Variants in FAM120A observed in about 807,000 individuals in gnomAD.
FAM120A encodes the protein family with sequence similarity 120 member A.
A neutral mutation model predicts 109.7 loss-of-function variants in FAM120A; 15 were observed. That is an observed-to-expected ratio of 0.14 (90% CI 0.09 to 0.21). The LOEUF is 0.21. FAM120A is among the 10% of genes least tolerant of loss of function. The pLI, the probability that FAM120A is intolerant of heterozygous loss-of-function variation, is 1.00. For synonymous variants in FAM120A, 493 were observed against 572.8 expected (o/e 0.86, Z 1.99); for missense variants, 899 against 1,439.3 (o/e 0.62, Z 6.07).
chr9:93,483,420 GAGAC>G (rs1302862348), intron 3 of FAM120A, among the ~76,000 whole-genome samples: 1 of 151,900 alleles, frequency 6.6e-6, no homozygotes, highest in Non-Finnish European at 1.5e-5. Flanking sequence ...GAAAAAAAGA[GAGAC>G]AGGCAAGATG....
At chr9:93,558,999 C>T (rs1273303737) in intron 15 of FAM120A, among the ~76,000 whole-genome samples, 1 of 152,186 alleles carries the variant, frequency 6.6e-6, no homozygotes, top group Admixed American at 6.5e-5. Flanking sequence ...ACCTGACCAT[C>T]GCCTCGTGTT....
chr9:93,476,072 G>A lies in FAM120A; in HGVS notation c.722-184G>A, dbSNP rs114530944. 4.7e-3 allele frequency among the ~76,000 whole-genome samples: 718 copies of A among 152,292 alleles called. 7 individuals carry two copies. The highest frequency in any genetic ancestry group is 0.016 in the African/African-American group (681 of 41,568). On this transcript the variant is annotated intron_variant, in intron 2 of 17. Coordinates refer to ENST00000277165, the MANE Select transcript of FAM120A (RefSeq NM_014612.5). ...TGTTGGGACTGCACTAGAAATTCCC[G>A]TCATTCTTGAAGCAGCTGCAAAGAT...
intron 10 of FAM120A, among the ~76,000 whole-genome samples, chr9:93,536,781 A>G (rs1861534674): frequency 6.6e-6 from 1 of 152,134 alleles, no homozygotes; most frequent in Non-Finnish European, 1.5e-5. Flanking sequence ...AAAGAAAAAG[A>G]AAAAAAATTC....
intron 3 of FAM120A, among the ~76,000 whole-genome samples, chr9:93,481,463 A>G (rs7025805): frequency 0.19 from 29,385 of 152,104 alleles, 3,426 homozygotes; most frequent in African/African-American, 0.33. Context: ...TCTACATCCT[A>G]TTGACCTCGT....
intron 3 of FAM120A, among the ~76,000 whole-genome samples, chr9:93,493,482 C>A (rs1859426267): frequency 6.6e-6 from 1 of 152,192 alleles, no homozygotes; most frequent in Non-Finnish European, 1.5e-5. Flanking sequence ...TAAACAATCT[C>A]CATTTGATAA....
intron 7 of FAM120A, among the ~76,000 whole-genome samples, chr9:93,521,108 G>A (rs911106060): frequency 2.0e-5 from 3 of 152,160 alleles, no homozygotes; most frequent in Non-Finnish European, 4.4e-5. Flanking sequence ...CTGAGAATAT[G>A]AGAAGACTTC....
chr9:93,532,462 C>G lies in FAM120A; in HGVS notation c.1909+133C>G. 2.2e-6 allele frequency: 2 copies of G among 928,050 alleles called. No homozygotes were observed. Among genetic ancestry groups the G allele is most frequent in the Non-Finnish European group, 3.4e-6 (2 of 587,734 alleles). The allele number at this position is 928,050 out of a possible 1,614,324, so 57.5% of individuals were successfully genotyped here. A position where few individuals can be genotyped will look rare whatever the true frequency, so the allele number is the denominator to read the frequency against. On this transcript the variant is annotated intron_variant, in intron 10 of 17. Coordinates refer to ENST00000277165, the MANE Select transcript of FAM120A (RefSeq NM_014612.5). The surrounding 1 kb of genome is among the most constrained non-coding windows in gnomAD (Gnocchi z 4.3). ...TGTGTAAAGGAGGTGGGCCCATCAT[C>G]GGGGCAGTAGGCCAGGGTAAAGGCT...
intron 3 of FAM120A, among the ~76,000 whole-genome samples, chr9:93,488,456 G>T (rs1368955837): frequency 6.6e-6 from 1 of 151,768 alleles, no homozygotes; most frequent in Non-Finnish European, 1.5e-5. Flanking sequence ...CCTCGCCTCT[G>T]TTGCCTCCTA....
Position 93,452,425 on chromosome 9 carries a change from G to A in FAM120A, c.474+36G>A. 1 of 1,574,904 alleles carries A rather than the reference G, an allele frequency of 6.3e-7. No homozygotes were observed. ...GGATCCGGGCGGGCCGGGGACCGGG[G>A]CCGCGCCGCACCCCTATCCCCCTTC... is the stretch of plus-strand genomic sequence containing the variant. On this transcript the variant is annotated intron_variant, in intron 1 of 17. Coordinates refer to ENST00000277165, the MANE Select transcript of FAM120A (RefSeq NM_014612.5). This position sits in a 1 kb window ranked among gnomAD's most constrained non-coding sequence, Gnocchi z 7.0.
intron 8 of FAM120A, 39 bp from the exon 9 acceptor site, chr9:93,529,314 A>G (rs1166718842): frequency 6.0e-6 from 9 of 1,510,244 alleles, no homozygotes; most frequent in South Asian, 5.2e-5. Flanking sequence ...AAAACATGAC[A>G]TACACTCGTT....
chr9:93,497,745 AG>A, intron 4 of FAM120A, 146 bp downstream of exon 4: 2 of 1,053,592 alleles, frequency 1.9e-6, no homozygotes, highest in Non-Finnish European at 2.6e-6. Flanking sequence ...ACTGGAAGAA[AG>A]CTGCAGGTTG....
chr9:93,484,854 C>T (rs1375713345), intron 3 of FAM120A, among the ~76,000 whole-genome samples: 1 of 152,220 alleles, frequency 6.6e-6, no homozygotes, highest in Non-Finnish European at 1.5e-5. Context: ...GGATTACAGG[C>T]ATGAGCCACT....
intron 8 of FAM120A, among the ~76,000 whole-genome samples, chr9:93,528,989 AC>A (rs955914405): frequency 6.6e-6 from 1 of 152,164 alleles, no homozygotes; most frequent in African/African-American, 2.4e-5. Context: ...ACAGGAATGG[AC>A]CACATGGATG....
chr9:93,523,365 T>G, intron 7 of FAM120A: 1 of 1,277,962 alleles, frequency 7.8e-7, no homozygotes, highest in Non-Finnish European at 1.0e-6. Context: ...GAGGCATGGG[T>G]AGGTAGGCCT....
chr9:93,455,125 G>A (rs1430090858), intron 1 of FAM120A, among the ~76,000 whole-genome samples: 1 of 152,122 alleles, frequency 6.6e-6, no homozygotes, highest in African/African-American at 2.4e-5. Context: ...GCCCAAACGT[G>A]GAAACAAAGT....
intron 3 of FAM120A, among the ~76,000 whole-genome samples, chr9:93,490,996 C>T (rs1469742262): frequency 6.6e-6 from 1 of 152,248 alleles, no homozygotes; most frequent in African/African-American, 2.4e-5. Context: ...AGCCTCCACT[C>T]TTCACCCCTA....
In FAM120A at chr9:93,532,620, CCACT is replaced by C. The variant is rs1861371233; in HGVS notation, c.1909+293_1909+296del. ...ATCTGAAAGCAGACTTGAATTGCCG[CCACT>C]CTCTGTAATTACCACGTCTTGGTAA... On this transcript the variant is annotated intron_variant, in intron 10 of 17. Coordinates refer to ENST00000277165, the MANE Select transcript of FAM120A (RefSeq NM_014612.5). This position sits in a 1 kb window ranked among gnomAD's most constrained non-coding sequence, Gnocchi z 4.3. 2.7e-6 allele frequency: 1 copy of C among 373,502 alleles called. No homozygotes were observed. The highest frequency in any genetic ancestry group is 5.0e-6 in the Non-Finnish European group (1 of 199,030). The allele number at this position is 373,502 out of a possible 1,614,324, so 23.1% of individuals were successfully genotyped here.
In FAM120A at chr9:93,452,886, C is replaced by T. The variant is rs923082482; in HGVS notation, c.474+497C>T. Reference sequence around the variant, plus strand: ...CTGCAAATATCAGTGCTGCTGCCGCCGCCCTTGCCAATGTTGTTAGCCCGG... The same window carrying T: ...CTGCAAATATCAGTGCTGCTGCCGCTGCCCTTGCCAATGTTGTTAGCCCGG... On this transcript the variant is annotated intron_variant, in intron 1 of 17. Coordinates refer to ENST00000277165, the MANE Select transcript of FAM120A (RefSeq NM_014612.5). This position sits in a 1 kb window ranked among gnomAD's most constrained non-coding sequence, Gnocchi z 7.0. 35 of 1,444,214 alleles carry T rather than the reference C, an allele frequency of 2.4e-5. No individual in the cohort carries two copies. The highest frequency in any genetic ancestry group is 2.5e-4 in the Middle Eastern group (1 of 4,070). The allele number at this position is 1,444,214 out of a possible 1,614,324, so 89.5% of individuals were successfully genotyped here. A position where few individuals can be genotyped will look rare whatever the true frequency, so the allele number is the denominator to read the frequency against.
At chr9:93,512,912 C>G (rs761172568) in intron 5 of FAM120A, among the ~76,000 whole-genome samples, 2 of 152,068 alleles carry the variant, frequency 1.3e-5, no homozygotes, top group African/African-American at 2.4e-5. Context: ...CCTTGGAATT[C>G]TTTGGTTTTA....
Sources: allele counts gnomAD v4.1 joint callset (sites outside exome capture counted in the v4.1 genomes callset), GRCh38; gene constraint gnomAD v4.1.1; non-coding constraint Gnocchi (gnomAD v3.1); transcripts MANE v1.5; gene names NCBI Gene and HGNC (gene_info 2026-07-23, HGNC 2026-07-21).